The following ADAMTS4 variants were observed in gnomAD, a reference collection of about 807,000 sequenced individuals.
ADAMTS4 encodes ADAM metallopeptidase with thrombospondin type 1 motif 4, also known as A disintegrin and metalloproteinase with thrombospondin motifs 4.
A neutral mutation model predicts 66.7 loss-of-function variants in ADAMTS4; 38 were observed. The ratio of observed to expected loss-of-function variants is 0.57; its 90% CI spans 0.44 to 0.75. The LOEUF is 0.75. Among genes scored for constraint, ADAMTS4 ranks in the 30% least tolerant of loss-of-function variants. The probability of loss-of-function intolerance (pLI) is 0.00; values close to 1 mark genes in which losing one functional copy is unlikely to be tolerated. For synonymous variants in ADAMTS4, 418 were observed against 461.5 expected, an observed-to-expected ratio of 0.91 and a Z score of 1.21; for missense variants, 1,014 against 1,116.7, an observed-to-expected ratio of 0.91 and a Z score of 1.31.
rs770985919 is a variant in ADAMTS4 at position 161,198,064 on chromosome 1, G to T, written c.564C>A (p.Ser188Arg). 1 of 1,608,770 alleles carries T rather than the reference G, an allele frequency of 6.2e-7. No homozygotes were observed. Among genetic ancestry groups the T allele is most frequent in the Admixed American group, 1.7e-5 (1 of 59,698 alleles). The change falls in exon 1 of 9, where the codon AGC becomes AGA. Residue 188 changes from serine to arginine, a missense_variant. Coordinates refer to ENST00000367996, the MANE Select transcript of ADAMTS4 (RefSeq NM_005099.6). The surrounding 1 kb of genome is among the most constrained non-coding windows in gnomAD (Gnocchi z 4.7). ...TGACGTTGCACATGGGACCTTGACC[G>T]CTGGCAGGACTCTTCCGGCGTAGGA... ...AHILRRKSPA[S>R]GQGPMCNVKA...
rs1664569544 is a variant in ADAMTS4, at chr1:161,187,809, AC to A, written c.*3328del. Reference sequence around the variant, plus strand: ...TTCTTTACCTATAGTTTCTCCCACAACCCCACATCCAGTACCTTCCCCAATC... The same window carrying A: ...TTCTTTACCTATAGTTTCTCCCACAACCCACATCCAGTACCTTCCCCAATC... On this transcript the variant is annotated 3_prime_UTR_variant, in exon 9 of 9. Transcript: ENST00000367996. 1.3e-5 allele frequency: 2 copies of A among 151,178 alleles called. No homozygotes were observed. The highest frequency in any genetic ancestry group is 2.4e-5 in the African/African-American group (1 of 41,028). The allele number at this position is 151,178 out of a possible 1,614,324, so 9.4% of individuals were successfully genotyped here. A position where few individuals can be genotyped will look rare whatever the true frequency, so the allele number is the denominator to read the frequency against.
chr1:161,195,983 C>T (rs897166508), intron 3 of ADAMTS4, 188 bp downstream of exon 3: 32 of 674,218 alleles, frequency 4.7e-5, no homozygotes, highest in African/African-American at 2.6e-4. Flanking sequence ...ACAGTAGTTT[C>T]GACCAACTAA....
Position 161,193,657 on chromosome 1 carries a change from T to G in ADAMTS4, c.1718A>C (p.Asp573Ala), listed in dbSNP as rs1664735573. 1.2e-6 allele frequency: 2 copies of G among 1,612,200 alleles called. No homozygotes were observed. Among genetic ancestry groups the G allele is most frequent in the Non-Finnish European group, 1.7e-6 (2 of 1,178,946 alleles). ...CTCCTCACCTGAGCCAGTTGGGCAG[T>G]CCTCAGTGTTGCAGGAGCGGAAGCG... Reference protein sequence around the residue: ...RTRFRSCNTEDCPTGSALTFR... With the variant: ...RTRFRSCNTEACPTGSALTFR... The change falls in exon 6 of 9, where the codon GAC becomes GCC. Residue 573 changes from aspartate to alanine, a missense_variant. By Grantham distance (126) the Asp-to-Ala change is moderately radical. Transcript: ENST00000367996. The surrounding 1 kb of genome is among the most constrained non-coding windows in gnomAD (Gnocchi z 4.4).
chr1:161,198,614 C>A lies in ADAMTS4; in HGVS notation c.14G>T (p.Gly5Val), dbSNP rs1173869137. The A allele has an allele frequency of 1.3e-6, 2 of 1,529,406 alleles. No individual in the cohort carries two copies. Among genetic ancestry groups the A allele is most frequent in the African/African-American group, 1.4e-5 (1 of 73,490 alleles). The allele number at this position is 1,529,406 out of a possible 1,614,324, so 94.7% of individuals were successfully genotyped here. A position where few individuals can be genotyped will look rare whatever the true frequency, so the allele number is the denominator to read the frequency against. ...TGCCAAGCCCCTCCCGGGATGCGAG[C>A]CTGTCTGGGACATGGCACTGGTACT... MSQT[G>V]SHPGRGLAGR... The change falls in exon 1 of 9, where the codon GGC becomes GTC. Residue 5 changes from glycine (G) to valine (V), a missense_variant. Coordinates refer to ENST00000367996, the MANE Select transcript of ADAMTS4 (RefSeq NM_005099.6). The surrounding 1 kb of genome is among the most constrained non-coding windows in gnomAD (Gnocchi z 4.7).
At position 161,198,466 on chromosome 1, in the gene ADAMTS4, G is replaced by A. The variant is rs1664963483; in HGVS notation, c.162C>T (p.Pro54=). 6.4e-7 allele frequency: 1 copy of A among 1,571,704 alleles called. No homozygotes were observed. The highest frequency in any genetic ancestry group is 1.9e-5 in the Admixed American group (1 of 53,012). The change falls in exon 1 of 9, where the codon CCC becomes CCT. Residue 54 remains proline (P), a synonymous_variant. Transcript: ENST00000367996. The surrounding 1 kb of genome is among the most constrained non-coding windows in gnomAD (Gnocchi z 4.7). ...SLLPSARLAS[P]LPREEEIVFP... ...ACACGATCTCCTCCTCCCGGGGGAG[G>A]GGGCTGGCCAGCCGGGCTGAGGGCA...
rs1246496146 is a variant in ADAMTS4, at chr1:161,185,721, T to C, written c.*5417A>G. On this transcript the variant is annotated 3_prime_UTR_variant, in exon 9 of 9. Transcript: ENST00000367996. ...TTTAGAAAACAAAATACTGTAATACTGTATGAAGATTACAGAAATGAGACT... is the reference window on the plus strand; with the variant it reads ...TTTAGAAAACAAAATACTGTAATACCGTATGAAGATTACAGAAATGAGACT... 6.6e-6 allele frequency: 1 copy of C among 152,184 alleles called. No individual in the cohort carries two copies. Among genetic ancestry groups the C allele is most frequent in the Non-Finnish European group, 1.5e-5 (1 of 68,038 alleles). 9.4% of individuals were successfully genotyped at this position (152,184 alleles called of 1,614,324 possible).
In ADAMTS4 at chr1:161,194,276, A is replaced by G. The variant is rs1374392585; in HGVS notation, c.1262-55T>C. 3 of 1,555,914 alleles carry G rather than the reference A, an allele frequency of 1.9e-6. No homozygotes were observed. The highest frequency in any genetic ancestry group is 1.4e-5 in the African/African-American group (1 of 73,756). ...CAACGGGCTGAGGGGAGCATTCAGG[A>G]TTGCCAGCAGAAAGCTTAGGCTCCC... On this transcript the variant is annotated intron_variant, in intron 4 of 8. Coordinates refer to ENST00000367996, the MANE Select transcript of ADAMTS4 (RefSeq NM_005099.6). The surrounding 1 kb of genome is among the most constrained non-coding windows in gnomAD (Gnocchi z 4.1).
At position 161,193,270 on chromosome 1, in the gene ADAMTS4, C is replaced by G. The variant is rs1224438823; in HGVS notation, c.1854G>C (p.Gln618His). The change falls in exon 7 of 9, where the codon CAG (glutamine) becomes CAC (histidine). Residue 618 changes from glutamine to histidine, a missense_variant. Coordinates refer to ENST00000367996, the MANE Select transcript of ADAMTS4 (RefSeq NM_005099.6). This position sits in a 1 kb window ranked among gnomAD's most constrained non-coding sequence, Gnocchi z 4.4. ...CCTGGGCCTGGCAGGTGAGTTTGCA[C>G]TGGTCCTGGGGGGCCACGCCTGTGT... ...PRYTGVAPQDQCKLTCQAQAL... is the reference protein window; with the variant it reads ...PRYTGVAPQDHCKLTCQAQAL... The G allele has an allele frequency of 6.2e-7, 1 of 1,614,086 alleles. No individual in the cohort carries two copies. The highest frequency in any genetic ancestry group is 1.1e-5 in the South Asian group (1 of 91,078).
Position 161,193,215 on chromosome 1 carries a change from G to C in ADAMTS4, c.1909C>G (p.Arg637Gly), listed in dbSNP as rs760064255. The change falls in exon 7 of 9, where the codon CGG becomes GGG. Residue 637 changes from arginine to glycine, a missense_variant and splice_region_variant. Physicochemically the swap from Arg to Gly is moderately radical, Grantham distance 125 (BLOSUM62 -2). Transcript: ENST00000367996. The surrounding 1 kb of genome is among the most constrained non-coding windows in gnomAD (Gnocchi z 4.4). ...ALGYYYVLEPRVVDGTPCSPD... is the reference protein window; with the variant it reads ...ALGYYYVLEPGVVDGTPCSPD... ...CCTGGGGGTGTCCTGACCCTCACCCGTGGCTCCAGCACATAGTAGTAGCCC... is the reference window on the plus strand; with the variant it reads ...CCTGGGGGTGTCCTGACCCTCACCCCTGGCTCCAGCACATAGTAGTAGCCC... 5 of 1,611,896 alleles carry C rather than the reference G, an allele frequency of 3.1e-6. No individual in the cohort carries two copies. The South Asian group carries it at 3.3e-5, about 11-fold the overall frequency.
At position 161,188,909 on chromosome 1, in the gene ADAMTS4, T is replaced by TATA. The variant is rs1558071752; in HGVS notation, c.*2228_*2229insTAT. Reference sequence around the variant, plus strand: ...ATATATATATATATATATATATATATTTTGTATTTTTAGTAGACACGGGGT... The same window carrying TATA: ...ATATATATATATATATATATATATATATATTTGTATTTTTAGTAGACACGGGGT... On this transcript the variant is annotated 3_prime_UTR_variant, in exon 9 of 9. Coordinates refer to ENST00000367996, the MANE Select transcript of ADAMTS4 (RefSeq NM_005099.6). 50 of 130,950 alleles carry TATA rather than the reference T, an allele frequency of 3.8e-4. No homozygotes were observed. The highest frequency in any genetic ancestry group is 7.5e-4 in the East Asian group (3 of 3,986). The allele number at this position is 130,950 out of a possible 1,614,324, so 8.1% of individuals were successfully genotyped here.
Position 161,198,253 on chromosome 1 carries a change from G to C in ADAMTS4, c.375C>G (p.Gly125=). The change falls in exon 1 of 9, where the codon GGC becomes GGG. Residue 125 remains glycine (G), a synonymous_variant. Transcript: ENST00000367996. This position sits in a 1 kb window ranked among gnomAD's most constrained non-coding sequence, Gnocchi z 4.7. ...CATTGATGGTGCCAGTCAGGTAGGT[G>C]CCAGGCTCTGCTCCACCCAGCAGCT... ...APELLGGAEP[G]TYLTGTINGD... is the part of the protein sequence containing the mutation. The C allele has an allele frequency of 1.2e-6, 2 of 1,614,022 alleles. No homozygotes were observed. The highest frequency in any genetic ancestry group is 2.2e-5 in the South Asian group (2 of 91,080).
In ADAMTS4 at chr1:161,198,214, C is replaced by T. The variant is rs33941127; in HGVS notation, c.414G>A (p.Ser138=). The T allele has an allele frequency of 0.24, 388,269 of 1,613,846 alleles. 50,600 individuals are homozygous for T. The highest frequency in any genetic ancestry group is 0.49 in the East Asian group (22,087 of 44,840). Residue 138 remains serine (S), a synonymous_variant, in exon 1 of 9, where the codon TCG becomes TCA. Transcript: ENST00000367996. The surrounding 1 kb of genome is among the most constrained non-coding windows in gnomAD (Gnocchi z 4.7). ...CCCCATCCCAGTGCAGAGATGCCAC[C>T]GACTCCGGATCTCCATTGATGGTGC... The part of the protein sequence containing the change: ...LTGTINGDPE[S]VASLHWDGGA...
Position 161,194,255 on chromosome 1 carries a change from G to C in ADAMTS4, c.1262-34C>G. On this transcript the variant is annotated intron_variant, in intron 4 of 8. Coordinates refer to ENST00000367996, the MANE Select transcript of ADAMTS4 (RefSeq NM_005099.6). The surrounding 1 kb of genome is among the most constrained non-coding windows in gnomAD (Gnocchi z 4.1). ...GGGGTTGGGGCACAAAGTCAGCAAC[G>C]GGCTGAGGGGAGCATTCAGGATTGC... 1.3e-6 allele frequency: 2 copies of C among 1,591,272 alleles called. No homozygotes were observed. Among genetic ancestry groups the C allele is most frequent in the South Asian group, 1.1e-5 (1 of 88,674 alleles).
Position 161,193,767 on chromosome 1 carries a change from A to G in ADAMTS4, c.1608T>C (p.Cys536=). The G allele has an allele frequency of 1.2e-6, 2 of 1,613,838 alleles. No individual in the cohort carries two copies. The highest frequency in any genetic ancestry group is 1.7e-6 in the Non-Finnish European group (2 of 1,179,868). ...WGPWGDCSRT[C]GGGVQFSSRD... ...GGGAGGAGAACTGGACACCACCCCC[A>G]CAGGTCCGAGAGCAGTCACCCCATG... The change falls in exon 6 of 9, where the codon TGT becomes TGC. Residue 536 remains cysteine (C), a synonymous_variant. Transcript: ENST00000367996. This position sits in a 1 kb window ranked among gnomAD's most constrained non-coding sequence, Gnocchi z 4.4.
At position 161,195,551 on chromosome 1, in the gene ADAMTS4, G is replaced by A. The variant is rs115845862; in HGVS notation, c.1175C>T (p.Ala392Val). ...GPLSTSRHVM[A>V]PVMAHVDPEE... Reference sequence around the variant, plus strand: ...AGGATCCACATGAGCCATCACAGGGGCCATGACATGGCGAGAGGTGCTCAA... The same window carrying A: ...AGGATCCACATGAGCCATCACAGGGACCATGACATGGCGAGAGGTGCTCAA... Residue 392 changes from alanine (A) to valine (V), a missense_variant, in exon 4 of 9, where the codon GCC (alanine) becomes GTC (valine). Coordinates refer to ENST00000367996, the MANE Select transcript of ADAMTS4 (RefSeq NM_005099.6). 1.2e-6 allele frequency: 2 copies of A among 1,614,082 alleles called. No homozygotes were observed. Among genetic ancestry groups the A allele is most frequent in the East Asian group, 2.2e-5 (1 of 44,868 alleles).
In ADAMTS4 at chr1:161,192,060, A is replaced by C; in HGVS notation, c.2087+5T>G. ...AGGTAGAGGGAGGAATGATGGTGAA[A>C]GAACCTGAATTTCCTGAAGGAGCCT... On this transcript the variant is annotated splice_donor_5th_base_variant and intron_variant, in intron 8 of 8. Transcript: ENST00000367996. 1 of 1,613,564 alleles carries C rather than the reference A, an allele frequency of 6.2e-7. No individual in the cohort carries two copies. The highest frequency in any genetic ancestry group is 8.5e-7 in the Non-Finnish European group (1 of 1,179,702).
chr1:161,191,574 A>G lies in ADAMTS4; in HGVS notation c.2088-10T>C, dbSNP rs1172376429. On this transcript the variant is annotated splice_polypyrimidine_tract_variant and intron_variant, in intron 8 of 8. Coordinates refer to ENST00000367996, the MANE Select transcript of ADAMTS4 (RefSeq NM_005099.6). ...ATTGTTGTATCCGTACCTGTGTGGA[A>G]GGAGTAGATGGGGAGCTCAGGATCA... 6.3e-7 allele frequency: 1 copy of G among 1,597,844 alleles called. No homozygotes were observed. The highest frequency in any genetic ancestry group is 1.7e-5 in the Admixed American group (1 of 59,352).
At position 161,193,998 on chromosome 1, in the gene ADAMTS4, G is replaced by T; in HGVS notation, c.1485C>A (p.Cys495Ter). The T allele has an allele frequency of 6.2e-7, 1 of 1,612,326 alleles. No homozygotes were observed. The stretch of plus-strand genomic sequence containing the variant: ...CACCCATGCAGGCCTGTGCGGGCCC[G>T]CAGGGTGTGCCATCGGCCCAGGGCG... ...KHSPWADGTP[C>*]GPAQACMGGR... Residue 495 changes from cysteine to a stop codon, truncating the protein, a stop_gained, in exon 5 of 9, where the codon TGC becomes TGA. Coordinates refer to ENST00000367996, the MANE Select transcript of ADAMTS4 (RefSeq NM_005099.6). LOFTEE classifies it high-confidence loss of function. The surrounding 1 kb of genome is among the most constrained non-coding windows in gnomAD (Gnocchi z 4.4).
At position 161,198,917 on chromosome 1, in the gene ADAMTS4, C is replaced by T. The variant is rs949394803; in HGVS notation, c.-290G>A. 4 of 383,746 alleles carry T rather than the reference C, an allele frequency of 1.0e-5. No homozygotes were observed. The highest frequency in any genetic ancestry group is 1.9e-5 in the Non-Finnish European group (4 of 213,982). 23.8% of individuals were successfully genotyped at this position (383,746 alleles called of 1,614,324 possible). ...GTCTTCTGCAGCTTCTCTGGCCTCTCCCTCTGTAGGACTCTGTCTGGGCCG... is the reference window on the plus strand; with the variant it reads ...GTCTTCTGCAGCTTCTCTGGCCTCTTCCTCTGTAGGACTCTGTCTGGGCCG... On this transcript the variant is annotated 5_prime_UTR_variant, in exon 1 of 9. Transcript: ENST00000367996. This position sits in a 1 kb window ranked among gnomAD's most constrained non-coding sequence, Gnocchi z 4.7.
Sources: allele counts gnomAD v4.1 joint callset, GRCh38; gene constraint gnomAD v4.1.1; non-coding constraint Gnocchi (gnomAD v3.1); transcripts MANE v1.5; gene names NCBI Gene and HGNC (gene_info 2026-07-23, HGNC 2026-07-21).